MAP3K11: variants seen among roughly 807,000 people sequenced by gnomAD.
The protein encoded by MAP3K11 is mitogen-activated protein kinase kinase kinase 11, also known as SH3 domain-containing proline-rich kinase.
In MAP3K11, 46 loss-of-function variants were observed where a neutral mutation model predicts 84.9. The ratio of observed to expected loss-of-function variants is 0.54; its 90% confidence interval spans 0.43 to 0.69. The LOEUF is 0.69. Ranked by LOEUF, MAP3K11 falls within the 30% of genes least tolerant of loss-of-function variation. The probability of loss-of-function intolerance (pLI) is 0.00; values close to 1 mark genes in which losing one functional copy is unlikely to be tolerated. For synonymous variants in MAP3K11, 527 were observed against 514.7 expected, an observed-to-expected ratio of 1.02 and a Z score of -0.32; for missense variants, 1,053 against 1,198.3, an observed-to-expected ratio of 0.88 and a Z score of 1.79.
intron 5 of MAP3K11, 181 bp downstream of exon 5, chr11:65,607,088 CT>C: frequency 1.1e-6 from 1 of 906,834 alleles, no homozygotes; most frequent in South Asian, 2.0e-5. Flanking sequence ...CATGCAAATA[CT>C]TCCGCCAGAA....
At chr11:65,604,307 C>G (rs1854484606) in intron 8 of MAP3K11, among the ~76,000 whole-genome samples, 1 of 152,276 alleles carries the variant, frequency 6.6e-6, no homozygotes. Context: ...TCAGGACCTG[C>G]TTCAGCCTAC....
intron 1 of MAP3K11, 200 bp downstream of exon 1, chr11:65,612,818 A>G: frequency 4.2e-6 from 2 of 479,742 alleles, no homozygotes; most frequent in Non-Finnish European, 6.9e-6. Context: ...GGACTTCTGA[A>G]GCTGGCGCAG....
intron 1 of MAP3K11, chr11:65,612,266 T>G (rs1403476306): frequency 1.3e-5 from 2 of 152,332 alleles, no homozygotes; most frequent in Non-Finnish European, 2.9e-5. Flanking sequence ...TGGGCCATGA[T>G]GGGCAGCGTG....
chr11:65,598,363 G>C lies in MAP3K11; in HGVS notation c.2472C>G (p.Gly824=), dbSNP rs1480507558. 1 of 1,539,936 alleles carries C rather than the reference G, an allele frequency of 6.5e-7. No individual in the cohort carries two copies. Among genetic ancestry groups the C allele is most frequent in the South Asian group, 1.3e-5 (1 of 79,710 alleles). The change falls in exon 10 of 10, where the codon GGC becomes GGG. Residue 824 remains glycine, a synonymous_variant. Coordinates refer to ENST00000309100, the MANE Select transcript of MAP3K11 (RefSeq NM_002419.4). ...TGGTCTGTGCCCTGCAGTCCTGGGG[G>C]CCCCCCTGGAAGGGGTTGGCAGGTG... ...DSPPANPFQG[G]PQDCRAQTKD...
At chr11:65,598,790 T>C (rs1854415587) in intron 9 of MAP3K11, among the ~76,000 whole-genome samples, 162 bp from the exon 10 acceptor site, 1 of 152,164 alleles carries the variant, frequency 6.6e-6, no homozygotes, top group African/African-American at 2.4e-5. Context: ...TTTTTTGTAA[T>C]AGTTAGGAGT....
In MAP3K11 at chr11:65,613,733, G is replaced by A. The variant is rs747385158; in HGVS notation, c.24C>T (p.Phe8=). Residue 8 remains phenylalanine, a synonymous_variant, in exon 1 of 10, where the codon TTC becomes TTT. Transcript: ENST00000309100. Reference sequence around the variant, plus strand: ...TCCATGACCCTAGAGGGCTCTTGAGGAAGAGGCTCTTCAAGGGCTCCATGG... The same window carrying A: ...TCCATGACCCTAGAGGGCTCTTGAGAAAGAGGCTCTTCAAGGGCTCCATGG... The part of the protein sequence containing the change: MEPLKSL[F]LKSPLGSWNG... 1.8e-5 allele frequency: 29 copies of A among 1,576,714 alleles called. No homozygotes were observed. Among genetic ancestry groups the A allele is most frequent in the Non-Finnish European group, 2.5e-5 (29 of 1,161,384 alleles).
At chr11:65,612,335 G>A (rs1590858843) in intron 1 of MAP3K11, 1 of 152,418 alleles carries the variant, frequency 6.6e-6, no homozygotes, top group East Asian at 1.9e-4. Flanking sequence ...CCCATCCCAA[G>A]CACTGATTTC....
Position 65,608,276 on chromosome 11 carries a change from G to A in MAP3K11, c.912C>T (p.Asp304=), listed in dbSNP as rs775906919. The change falls in exon 2 of 10, where the codon GAC becomes GAT. Residue 304 remains aspartate, a synonymous_variant. Transcript: ENST00000309100. ...IKASTFSKGS[D]VWSFGVLLWE... ...CCCACCAAGGGCCGCACCTCCAGAC[G>A]TCACTGCCCTTAGAGAAGGTGGAGG... 19 of 1,613,610 alleles carry A rather than the reference G, an allele frequency of 1.2e-5. No homozygotes were observed. The Admixed American group carries it at 2.8e-4, about 24-fold the overall frequency.
In MAP3K11 at chr11:65,606,656, G is replaced by C. The variant is rs758263078; in HGVS notation, c.1603+35C>G. 15 of 1,434,254 alleles carry C rather than the reference G, an allele frequency of 1.0e-5. No homozygotes were observed. In the Admixed American group the frequency reaches 2.4e-4, roughly 23 times the overall value. 88.8% of individuals were successfully genotyped at this position (1,434,254 alleles called of 1,614,324 possible). A position where few individuals can be genotyped will look rare whatever the true frequency, so the allele number is the denominator to read the frequency against. On this transcript the variant is annotated intron_variant, in intron 6 of 9. Transcript: ENST00000309100. ...GTCTGACAGAGAATAAGGAGCTGGG[G>C]GGCGGAGAGGGGCATGAGAGGTGAA...
chr11:65,605,923 C>A, intron 7 of MAP3K11, 23 bp downstream of exon 7: 1 of 1,607,686 alleles, frequency 6.2e-7, no homozygotes, highest in African/African-American at 1.3e-5. Flanking sequence ...GATGCTGGGT[C>A]TGGGGGGCAC....
Position 65,605,937 on chromosome 11 carries a change from G to A in MAP3K11, c.1739+9C>T. ...TGATGCTGGGTCTGGGGGGCACTCA[G>A]GTACTCACCTCCCATTCTGGGCTTC... On this transcript the variant is annotated intron_variant, in intron 7 of 9. Transcript: ENST00000309100. The A allele has an allele frequency of 6.2e-7, 1 of 1,604,498 alleles. No individual in the cohort carries two copies. Among genetic ancestry groups the A allele is most frequent in the East Asian group, 2.2e-5 (1 of 44,494 alleles).
At position 65,599,754 on chromosome 11, in the gene MAP3K11, G is replaced by C. The variant is rs1208972864; in HGVS notation, c.1846C>G (p.Pro616Ala). The C allele has an allele frequency of 1.3e-6, 2 of 1,593,268 alleles. No individual in the cohort carries two copies. The highest frequency in any genetic ancestry group is 1.7e-6 in the Non-Finnish European group (2 of 1,177,584). ...PPALNGNPPR[P>A]SLEPEEPKRP... ...TTGGGCTCCTCGGGCTCCAGGCTAG[G>C]CCGCGGGGGGTTACCTGCGGGCAGA... Residue 616 changes from proline (P) to alanine (A), a missense_variant, in exon 9 of 10, where the codon CCT becomes GCT. By Grantham distance (27) the Pro-to-Ala change is conservative. Around this residue, in one of 3 missense-constraint regions of MAP3K11, gnomAD observed 583 missense variants for 566.6 expected, o/e 1.03. Coordinates refer to ENST00000309100, the MANE Select transcript of MAP3K11 (RefSeq NM_002419.4).
At chr11:65,608,238 C>A (rs980851316) in intron 2 of MAP3K11, 30 bp downstream of exon 2, 7 of 1,606,354 alleles carry the variant, frequency 4.4e-6, no homozygotes, top group South Asian at 1.1e-5. Flanking sequence ...AGCCCCGTAG[C>A]AGCCCGTCCA....
In MAP3K11 at chr11:65,607,274, T is replaced by C. The variant is rs1854521178; in HGVS notation, c.1485A>G (p.Pro495=). 2.6e-6 allele frequency: 4 copies of C among 1,514,744 alleles called. No individual in the cohort carries two copies. The highest frequency in any genetic ancestry group is 3.5e-6 in the Non-Finnish European group (4 of 1,140,696). The allele number at this position is 1,514,744 out of a possible 1,614,324, so 93.8% of individuals were successfully genotyped here. A position where few individuals can be genotyped will look rare whatever the true frequency, so the allele number is the denominator to read the frequency against. ...GCCCCGGGGCCCGGCCCTCACCGAG[T>C]GGCATGCTGATACGCTCGCCGCCGT... ...ARDGGERISM[P]LDFKHRITVQ... is the part of the protein sequence containing the mutation. Residue 495 remains proline, a synonymous_variant, in exon 5 of 10, where the codon CCA becomes CCG. Coordinates refer to ENST00000309100, the MANE Select transcript of MAP3K11 (RefSeq NM_002419.4).
In MAP3K11 at chr11:65,606,040, G is replaced by A. The variant is rs1006256054; in HGVS notation, c.1645C>T (p.Pro549Ser). 2 of 1,593,386 alleles carry A rather than the reference G, an allele frequency of 1.3e-6. No individual in the cohort carries two copies. Among genetic ancestry groups the A allele is most frequent in the African/African-American group, 1.4e-5 (1 of 73,818 alleles). Residue 549 changes from proline (P) to serine (S), a missense_variant, in exon 7 of 10, where the codon CCC (proline) becomes TCC (serine). This residue lies in a region of MAP3K11 where 583 missense variants were observed against 566.6 expected (regional missense o/e 1.03). Transcript: ENST00000309100. Reference protein sequence around the residue: ...EPGQAWGRQSPRRLEDSSNGE... With the variant: ...EPGQAWGRQSSRRLEDSSNGE... Reference sequence around the variant, plus strand: ...TTGCTTGAGTCCTCCAGACGTCGGGGGGACTGGCGGCCCCATGCCTGGCCT... The same window carrying A: ...TTGCTTGAGTCCTCCAGACGTCGGGAGGACTGGCGGCCCCATGCCTGGCCT...
intron 8 of MAP3K11, 152 bp downstream of exon 8, chr11:65,605,609 G>A (rs1051680434): frequency 9.0e-5 from 53 of 586,776 alleles, no homozygotes; most frequent in Non-Finnish European, 1.5e-4. Context: ...TCCAGGATCG[G>A]CTCTGTCTTG....
chr11:65,599,274 G>A, intron 9 of MAP3K11, 120 bp downstream of exon 9: 1 of 1,241,498 alleles, frequency 8.1e-7, no homozygotes, highest in Non-Finnish European at 1.1e-6. Flanking sequence ...GCCTGGTTCA[G>A]GGTCCAGCTG....
At chr11:65,606,456 C>A in intron 6 of MAP3K11, 1 of 417,392 alleles carries the variant, frequency 2.4e-6, no homozygotes, top group Non-Finnish European at 4.2e-6. Flanking sequence ...TTAATATTAG[C>A]AAAGCATTTA....
At chr11:65,604,796 T>C (rs1854489784) in intron 8 of MAP3K11, among the ~76,000 whole-genome samples, 1 of 152,086 alleles carries the variant, frequency 6.6e-6, no homozygotes. Context: ...GCTAAGCGGG[T>C]CCTACATTCT....
Sources: allele counts gnomAD v4.1 joint callset (sites outside exome capture counted in the v4.1 genomes callset), GRCh38; gene constraint gnomAD v4.1.1; regional missense constraint gnomAD v4.1.1; transcripts MANE v1.5; gene names NCBI Gene and HGNC (gene_info 2026-07-23, HGNC 2026-07-21).